The following ZSWIM5 variants were observed in gnomAD, a reference collection of about 807,000 sequenced individuals.
The protein encoded by ZSWIM5 is zinc finger SWIM-type containing 5.
Under a neutral mutation model 119.6 loss-of-function variants are expected in ZSWIM5, and 55 were observed. That is an observed-to-expected ratio of 0.46 (90% CI 0.37 to 0.58). The LOEUF is 0.58. ZSWIM5 is among the 20% of genes least tolerant of loss of function. The pLI is 0.00. For synonymous variants in ZSWIM5, 537 were observed against 606.9 expected, an observed-to-expected ratio of 0.88 and a Z score of 1.69; for missense variants, 1,193 against 1,512.8, an observed-to-expected ratio of 0.79 and a Z score of 3.51.
At chr1:45,163,697 A>C (rs1041403898) in intron 1 of ZSWIM5, among the ~76,000 whole-genome samples, 4 of 152,234 alleles carry the variant, frequency 2.6e-5, no homozygotes, top group African/African-American at 7.2e-5. Flanking sequence ...TCAGTAGCTG[A>C]TTCAATCAAC....
Position 45,167,009 on chromosome 1 carries a change from T to C in ZSWIM5, c.595+38747A>G, listed in dbSNP as rs1354384152. Among the ~76,000 whole-genome samples, 5 of 152,066 alleles carry C rather than the reference T, an allele frequency of 3.3e-5. No homozygotes were observed. In the East Asian group the frequency reaches 9.6e-4, roughly 29 times the overall value. The stretch of plus-strand genomic sequence containing the variant: ...ACGGAACCAAAAAAAGAGCCCGCAT[T>C]GCCAAGTCAATCCTAAGCCAAAAGA... On this transcript the variant is annotated intron_variant, in intron 1 of 13. Coordinates refer to ENST00000359600, the MANE Select transcript of ZSWIM5 (RefSeq NM_020883.2).
At chr1:45,125,711 C>T (rs974078307) in intron 1 of ZSWIM5, among the ~76,000 whole-genome samples, 16 of 147,442 alleles carry the variant, frequency 1.1e-4, no homozygotes, top group Non-Finnish European at 1.0e-4. Flanking sequence ...GAGGCGGAGC[C>T]GAGATTGCGT....
chr1:45,168,700 T>G (rs1215657329), intron 1 of ZSWIM5, among the ~76,000 whole-genome samples: 2 of 150,126 alleles, frequency 1.3e-5, no homozygotes, highest in African/African-American at 4.9e-5. Flanking sequence ...AAAGATTGAA[T>G]TTTTTTTCCT....
At chr1:45,025,005 A>C (rs1435027340) in intron 11 of ZSWIM5, among the ~76,000 whole-genome samples, 1 of 152,160 alleles carries the variant, frequency 6.6e-6, no homozygotes. Flanking sequence ...TCTATGATCC[A>C]TTTTGAGTTA....
intron 4 of ZSWIM5, among the ~76,000 whole-genome samples, chr1:45,051,590 C>T (rs1352643707): frequency 6.6e-6 from 1 of 152,038 alleles, no homozygotes; most frequent in Non-Finnish European, 1.5e-5. Flanking sequence ...CTGTTCCTAC[C>T]CTTGAGGAAC....
In ZSWIM5 at chr1:45,206,471, G is replaced by T; in HGVS notation, c.-121C>A. On this transcript the variant is annotated 5_prime_UTR_variant, in exon 1 of 14. Coordinates refer to ENST00000359600, the MANE Select transcript of ZSWIM5 (RefSeq NM_020883.2). ...GGTGGCGCCGAGGGGGGCGGGGCGAGAGAACCCGCGAGCCAGCCGGCCCGA... is the reference window on the plus strand; with the variant it reads ...GGTGGCGCCGAGGGGGGCGGGGCGATAGAACCCGCGAGCCAGCCGGCCCGA... 8.4e-7 allele frequency: 1 copy of T among 1,194,384 alleles called. No homozygotes were observed. The highest frequency in any genetic ancestry group is 1.0e-6 in the Non-Finnish European group (1 of 964,530). The allele number at this position is 1,194,384 out of a possible 1,614,324, so 74.0% of individuals were successfully genotyped here. A position where few individuals can be genotyped will look rare whatever the true frequency, so the allele number is the denominator to read the frequency against.
chr1:45,125,786 G>C (rs1645617746), intron 1 of ZSWIM5, among the ~76,000 whole-genome samples: 1 of 149,510 alleles, frequency 6.7e-6, no homozygotes, highest in Non-Finnish European at 1.5e-5. Context: ...AAAAAGGAAG[G>C]CCGGCACAAT....
chr1:45,110,776 T>C (rs972556054), intron 1 of ZSWIM5, among the ~76,000 whole-genome samples: 8 of 152,146 alleles, frequency 5.3e-5, no homozygotes, highest in African/African-American at 1.9e-4. Context: ...AAGGGATAAA[T>C]CTCTGATCAG....
intron 1 of ZSWIM5, among the ~76,000 whole-genome samples, chr1:45,134,542 A>T (rs564798060): frequency 6.6e-6 from 1 of 152,356 alleles, no homozygotes; most frequent in Admixed American, 6.5e-5. Flanking sequence ...TCAAGGCTTC[A>T]AAGGACAGGA....
intron 2 of ZSWIM5, among the ~76,000 whole-genome samples, chr1:45,085,523 T>A (rs371048482): frequency 4.3e-4 from 64 of 150,462 alleles, no homozygotes; most frequent in East Asian, 2.4e-3. Context: ...TAGGTTAGTT[T>A]GTTTGTTTTT....
At chr1:45,084,317 C>G (rs1366826221) in intron 2 of ZSWIM5, among the ~76,000 whole-genome samples, 1 of 152,154 alleles carries the variant, frequency 6.6e-6, no homozygotes, top group Non-Finnish European at 1.5e-5. Context: ...AGGCCCTTCT[C>G]CAACAGTGGG....
At chr1:45,022,669 C>T (rs1644895386) in intron 11 of ZSWIM5, among the ~76,000 whole-genome samples, 1 of 152,128 alleles carries the variant, frequency 6.6e-6, no homozygotes, top group East Asian at 1.9e-4. Flanking sequence ...AGAGAGTTCC[C>T]ATATATCCCC....
chr1:45,151,425 G>T (rs1260784095), intron 1 of ZSWIM5, among the ~76,000 whole-genome samples: 2 of 151,860 alleles, frequency 1.3e-5, no homozygotes, highest in Admixed American at 6.6e-5. Context: ...TGTTAATTTA[G>T]CCAACAAATA....
rs1488240980 is a variant in ZSWIM5, at chr1:45,019,763, GC to G, written c.2695+302del. ...ACAGGGATGGGGACCAAACCACTGGGCCCACTACCTCCCAAGGGAGCACTTG... is the reference window on the plus strand; with the variant it reads ...ACAGGGATGGGGACCAAACCACTGGGCCACTACCTCCCAAGGGAGCACTTG... On this transcript the variant is annotated intron_variant, in intron 13 of 13. Coordinates refer to ENST00000359600, the MANE Select transcript of ZSWIM5 (RefSeq NM_020883.2). The surrounding 1 kb of genome is among the most constrained non-coding windows in gnomAD (Gnocchi z 5.0). 6.6e-6 allele frequency among the ~76,000 whole-genome samples: 1 copy of G among 152,118 alleles called. No individual in the cohort carries two copies. Among genetic ancestry groups the G allele is most frequent in the East Asian group, 1.9e-4 (1 of 5,182 alleles).
intron 1 of ZSWIM5, among the ~76,000 whole-genome samples, chr1:45,187,326 T>C (rs1646065069): frequency 1.3e-5 from 2 of 152,086 alleles, no homozygotes; most frequent in African/African-American, 4.8e-5. Context: ...TTCAACAGCA[T>C]GTCAAGATCA....
At chr1:45,115,731 G>T (rs1645552673) in intron 1 of ZSWIM5, among the ~76,000 whole-genome samples, 2 of 150,842 alleles carry the variant, frequency 1.3e-5, no homozygotes, top group Non-Finnish European at 3.0e-5. Flanking sequence ...TTCCCAGACG[G>T]GATGGCGGCT....
chr1:45,164,115 G>A (rs2149042682), intron 1 of ZSWIM5, among the ~76,000 whole-genome samples: 1 of 152,318 alleles, frequency 6.6e-6, no homozygotes, highest in South Asian at 2.1e-4. Context: ...GACTAACAGT[G>A]GATCTCTCGG....
rs1311575015 is a variant in ZSWIM5 at position 45,054,928 on chromosome 1, C to T, written c.1253-3675G>A. On this transcript the variant is annotated intron_variant, in intron 4 of 13. Transcript: ENST00000359600. The stretch of plus-strand genomic sequence containing the variant: ...GCAATGTCTGCCTCCCAGGTTCAAG[C>T]GATTCTCCTGCCTCAGCCTCCTAAG... Among the ~76,000 whole-genome samples, 8 of 152,256 alleles carry T rather than the reference C, an allele frequency of 5.3e-5. No homozygotes were observed. The East Asian group carries it at 5.8e-4, about 11-fold the overall frequency.
intron 1 of ZSWIM5, among the ~76,000 whole-genome samples, chr1:45,198,139 CA>C (rs1557796934): frequency 6.6e-6 from 1 of 152,246 alleles, no homozygotes; most frequent in Non-Finnish European, 1.5e-5. Context: ...ACAGCTTACA[CA>C]ATTCTGCTGA....
Sources: allele counts gnomAD v4.1 joint callset (sites outside exome capture counted in the v4.1 genomes callset), GRCh38; gene constraint gnomAD v4.1.1; non-coding constraint Gnocchi (gnomAD v3.1); transcripts MANE v1.5; gene names NCBI Gene and HGNC (gene_info 2026-07-23, HGNC 2026-07-21).